Variants in CNBD1 observed in about 807,000 individuals in gnomAD.
CNBD1 encodes cyclic nucleotide binding domain containing 1.
A neutral mutation model predicts 54.4 loss-of-function variants in CNBD1; 71 were observed. That is an observed-to-expected ratio of 1.30 (90% CI 1.08 to 1.59). The LOEUF (loss-of-function observed/expected upper bound fraction) is 1.59, where lower values mean the gene tolerates loss of function less well. Among genes scored for constraint, CNBD1 ranks in the 40% most tolerant of loss-of-function variants. CNBD1 has a pLI of 0.00. For missense variants in CNBD1, 659 were observed against 518.0 expected (o/e 1.27, Z -2.64); for synonymous variants, 182 against 170.7 (o/e 1.07, Z -0.51).
At chr8:86,961,592 C>T (rs1336007217) in intron 4 of CNBD1, among the ~76,000 whole-genome samples, 2 of 152,198 alleles carry the variant, frequency 1.3e-5, no homozygotes, top group Non-Finnish European at 2.9e-5. Context: ...AGGTGGAGGT[C>T]CAGAGGATCC....
At chr8:87,030,885 C>A (rs1301347374) in intron 4 of CNBD1, among the ~76,000 whole-genome samples, 1 of 90,804 alleles carries the variant, frequency 1.1e-5, no homozygotes, top group Non-Finnish European at 2.3e-5. Flanking sequence ...TCTCCTCCTT[C>A]CCCTCCCCTC....
intron 6 of CNBD1, among the ~76,000 whole-genome samples, chr8:87,282,478 T>G (rs1808618312): frequency 6.6e-6 from 1 of 151,738 alleles, no homozygotes; most frequent in Non-Finnish European, 1.5e-5. Flanking sequence ...TACTCTAAAT[T>G]GCTATTTCAA....
chr8:87,343,556 A>G (rs546343916), intron 8 of CNBD1, among the ~76,000 whole-genome samples: 8 of 152,312 alleles, frequency 5.3e-5, no homozygotes, highest in South Asian at 4.1e-4. Context: ...ACTTATAACT[A>G]TACTCTTGTC....
intron 4 of CNBD1, among the ~76,000 whole-genome samples, chr8:87,035,145 T>G (rs1383848465): frequency 1.3e-5 from 2 of 152,232 alleles, no homozygotes; most frequent in African/African-American, 4.8e-5. Context: ...TCAAAGTTTA[T>G]GCCATCTTTA....
intron 4 of CNBD1, among the ~76,000 whole-genome samples, chr8:86,962,862 A>G (rs1807967467): frequency 1.3e-5 from 2 of 152,124 alleles, no homozygotes; most frequent in Non-Finnish European, 2.9e-5. Flanking sequence ...TTTTGCTGGC[A>G]TGTCAGGCTT....
intron 4 of CNBD1, among the ~76,000 whole-genome samples, chr8:87,172,800 T>G (rs1257717603): frequency 6.6e-6 from 1 of 152,072 alleles, no homozygotes; most frequent in Non-Finnish European, 1.5e-5. Context: ...GGCAACAGAT[T>G]GGGTTTTTCT....
chr8:87,386,486 A>G (rs1811192759), downstream of CNBD1, among the ~76,000 whole-genome samples: 1 of 152,236 alleles, frequency 6.6e-6, no homozygotes, highest in Non-Finnish European at 1.5e-5. Flanking sequence ...TCAGTAGCCA[A>G]TTCGATCAAC....
intron 2 of CNBD1, among the ~76,000 whole-genome samples, chr8:87,424,085 T>G (rs1807996172): frequency 6.6e-6 from 1 of 152,244 alleles, no homozygotes; most frequent in Non-Finnish European, 1.5e-5. Context: ...TAGTATTCTC[T>G]GATGGTAGTT....
At chr8:87,175,446 T>A (rs1433266300) in intron 4 of CNBD1, among the ~76,000 whole-genome samples, 1 of 152,122 alleles carries the variant, frequency 6.6e-6, no homozygotes, top group Non-Finnish European at 1.5e-5. Context: ...CAAGCTCTCT[T>A]CAGTCAGCAA....
At chr8:87,058,154 G>T (rs1407433540) in intron 4 of CNBD1, among the ~76,000 whole-genome samples, 4 of 152,144 alleles carry the variant, frequency 2.6e-5, no homozygotes, top group Non-Finnish European at 4.4e-5. Flanking sequence ...AAACAATAAA[G>T]TTCCAAAATG....
intron 4 of CNBD1, among the ~76,000 whole-genome samples, chr8:87,037,858 A>G (rs193186616): frequency 1.3e-5 from 2 of 152,324 alleles, no homozygotes; most frequent in African/African-American, 4.8e-5. Flanking sequence ...GAGTGAGACA[A>G]TAAAATGTTC....
At chr8:87,250,435 A>C (rs1329059500) in intron 6 of CNBD1, among the ~76,000 whole-genome samples, 4 of 152,150 alleles carry the variant, frequency 2.6e-5, no homozygotes, top group Admixed American at 6.5e-5. Context: ...AAATATAAAA[A>C]CAGAACTACC....
downstream of CNBD1, among the ~76,000 whole-genome samples, chr8:87,385,097 G>A (rs1157141977): frequency 6.6e-6 from 1 of 152,116 alleles, no homozygotes; most frequent in East Asian, 1.9e-4. Flanking sequence ...GAGATCATTT[G>A]GGAGGGCATT....
intron 4 of CNBD1, among the ~76,000 whole-genome samples, chr8:87,012,361 A>C (rs2130562544): frequency 6.6e-6 from 1 of 152,304 alleles, no homozygotes; most frequent in Non-Finnish European, 1.5e-5. Flanking sequence ...ACAAATTCTC[A>C]TCAGATGGGT....
intron 8 of CNBD1, among the ~76,000 whole-genome samples, chr8:87,345,743 T>C (rs1200350171): frequency 1.3e-5 from 2 of 151,030 alleles, no homozygotes; most frequent in Non-Finnish European, 2.9e-5. Context: ...AAAAATTAAA[T>C]TGGAATATCA....
chr8:86,896,009 C>T (rs1423981074), intron 2 of CNBD1, among the ~76,000 whole-genome samples: 4 of 151,830 alleles, frequency 2.6e-5, no homozygotes, highest in Non-Finnish European at 4.4e-5. Context: ...ATATTAATCC[C>T]TTATCAGATA....
At chr8:87,358,583 T>C (rs1191821399) in intron 10 of CNBD1, among the ~76,000 whole-genome samples, 1 of 151,014 alleles carries the variant, frequency 6.6e-6, no homozygotes, top group East Asian at 1.9e-4. Flanking sequence ...ACAGAACCAA[T>C]AGGATATATA....
chr8:87,404,530 T>A (rs1807621667), intron 2 of CNBD1, among the ~76,000 whole-genome samples: 1 of 152,122 alleles, frequency 6.6e-6, no homozygotes, highest in Non-Finnish European at 1.5e-5. Flanking sequence ...TTTTTCTTGC[T>A]GCAAATTCCT....
intron 8 of CNBD1, among the ~76,000 whole-genome samples, chr8:87,321,457 C>A (rs1213023981): frequency 6.6e-6 from 1 of 152,252 alleles, no homozygotes; most frequent in South Asian, 2.1e-4. Context: ...TGATACTGAA[C>A]ATCTTTTCTT....
Sources: gnomAD v4.1 joint callset for allele counts (sites outside exome capture counted in the v4.1 genomes callset) on GRCh38, gnomAD v4.1.1 for gene constraint, MANE v1.5 for transcripts, NCBI Gene and HGNC (gene_info 2026-07-23, HGNC 2026-07-21) for gene names.